The following PER3 variants were observed in gnomAD, a reference collection of about 807,000 sequenced individuals.
The protein encoded by PER3 is period circadian protein homolog 3.
In PER3, 107 loss-of-function variants were observed where a neutral mutation model predicts 127.2. The observed-to-expected ratio is 0.84, with a 90% CI of 0.72 to 0.99. The LOEUF (loss-of-function observed/expected upper bound fraction) is 0.99. Ranked by LOEUF, PER3 falls within the 50% of genes least tolerant of loss-of-function variation. The pLI is 0.00. For missense variants in PER3, 1,560 were observed against 1,525.8 expected, an observed-to-expected ratio of 1.02 and a Z score of -0.37; for synonymous variants, 618 against 585.8, an observed-to-expected ratio of 1.05 and a Z score of -0.79.
At position 7,801,149 on chromosome 1, in the gene PER3, CCA is replaced by C; in HGVS notation, c.838_839del (p.Thr280ProfsTer7). The C allele has an allele frequency of 6.2e-7, 1 of 1,608,362 alleles. No homozygotes were observed. Among genetic ancestry groups the C allele is most frequent in the Non-Finnish European group, 8.5e-7 (1 of 1,176,612 alleles). ...CCAGTGAATAAAAGAATCTTCACCACCACACACACCCCAGGGTGTGTTTTTCT... is the reference window on the plus strand; with the variant it reads ...CCAGTGAATAAAAGAATCTTCACCACCACACACCCCAGGGTGTGTTTTTCT... On this transcript the variant is annotated frameshift_variant, in exon 8 of 22. Transcript: ENST00000377532. LOFTEE classifies it high-confidence loss of function.
intron 21 of PER3, among the ~76,000 whole-genome samples, chr1:7,838,590 G>A (rs2097369099): frequency 6.6e-6 from 1 of 152,064 alleles, no homozygotes; most frequent in Non-Finnish European, 1.5e-5. Flanking sequence ...TGTAGAAATG[G>A]GGTTTCCCCA....
rs373222729 is a variant in PER3, at chr1:7,807,718, C to T, written c.1137-1175C>T. On this transcript the variant is annotated intron_variant, in intron 10 of 21. Coordinates refer to ENST00000377532, the MANE Select transcript of PER3 (RefSeq NM_001377275.1). Reference sequence around the variant, plus strand: ...GATGCAGCTGATTCAGTATGCCTCACGAATGGGACTTGCTTTACCAAGGTA... The same window carrying T: ...GATGCAGCTGATTCAGTATGCCTCATGAATGGGACTTGCTTTACCAAGGTA... Among the ~76,000 whole-genome samples the T allele has an allele frequency of 1.8e-4, 28 of 152,208 alleles. 3 individuals are homozygous for T. In the South Asian group the frequency reaches 5.6e-3, roughly 30 times the overall value.
At chr1:7,805,961 T>A (rs1295817695) in intron 10 of PER3, among the ~76,000 whole-genome samples, 1 of 152,218 alleles carries the variant, frequency 6.6e-6, no homozygotes, top group Non-Finnish European at 1.5e-5. Flanking sequence ...TAAGGTCTAG[T>A]AGGTATTAAT....
chr1:7,785,035 C>T (rs1331296664), intron 2 of PER3, 30 bp downstream of exon 2: 4 of 1,561,264 alleles, frequency 2.6e-6, no homozygotes, highest in Non-Finnish European at 3.4e-6. Context: ...CCGAGGGCCC[C>T]ATGCGTTCGT....
At position 7,827,511 on chromosome 1, in the gene PER3, C is replaced by G. The variant is rs2097307790; in HGVS notation, c.2582C>G (p.Pro861Arg). 6.2e-7 allele frequency: 1 copy of G among 1,614,120 alleles called. No homozygotes were observed. Residue 861 changes from proline to arginine, a missense_variant, in exon 18 of 22, where the codon CCT (proline) becomes CGT (arginine). By Grantham distance (103) the Pro-to-Arg change is moderately radical. This residue lies in a region of PER3 where 1,332 missense variants were observed against 1,223.6 expected (regional missense o/e 1.09). Transcript: ENST00000377532. ...GATACTTTTATGACCGTTTTCCTGCCTGACCCCCCTGTCTGTCCTCTGTTG... is the reference window on the plus strand; with the variant it reads ...GATACTTTTATGACCGTTTTCCTGCGTGACCCCCCTGTCTGTCCTCTGTTG... ...YLDTFMTVFL[P>R]DPPVCPLLSP...
intron 19 of PER3, among the ~76,000 whole-genome samples, chr1:7,835,319 G>A (rs1459576265): frequency 6.6e-6 from 1 of 152,208 alleles, no homozygotes; most frequent in Non-Finnish European, 1.5e-5. Context: ...CTTTATTGGA[G>A]TTGGCATTTT....
In PER3 at chr1:7,827,510, C is replaced by A. The variant is rs771022350; in HGVS notation, c.2581C>A (p.Pro861Thr). The part of the protein sequence containing the change: ...YLDTFMTVFL[P>T]DPPVCPLLSP... ...GGATACTTTTATGACCGTTTTCCTGCCTGACCCCCCTGTCTGTCCTCTGTT... is the reference window on the plus strand; with the variant it reads ...GGATACTTTTATGACCGTTTTCCTGACTGACCCCCCTGTCTGTCCTCTGTT... The change falls in exon 18 of 22, where the codon CCT (proline) becomes ACT (threonine). Residue 861 changes from proline (P) to threonine (T), a missense_variant. Transcript: ENST00000377532. 1.9e-6 allele frequency: 3 copies of A among 1,614,220 alleles called. No homozygotes were observed. The highest frequency in any genetic ancestry group is 1.1e-5 in the South Asian group (1 of 91,084).
At position 7,784,786 on chromosome 1, in the gene PER3, G is replaced by A; in HGVS notation, c.-92G>A. On this transcript the variant is annotated 5_prime_UTR_variant, in exon 2 of 22. Transcript: ENST00000377532. Reference sequence around the variant, plus strand: ...CTAACGCCATGGCGGGGACCGGAGTGAGAAACCGGTGTCTGTCACTGACTG... The same window carrying A: ...CTAACGCCATGGCGGGGACCGGAGTAAGAAACCGGTGTCTGTCACTGACTG... The A allele has an allele frequency of 7.6e-7, 1 of 1,308,130 alleles. No homozygotes were observed. Among genetic ancestry groups the A allele is most frequent in the Non-Finnish European group, 9.8e-7 (1 of 1,015,740 alleles). 81.0% of individuals were successfully genotyped at this position (1,308,130 alleles called of 1,614,324 possible). A position where few individuals can be genotyped will look rare whatever the true frequency, so the allele number is the denominator to read the frequency against.
At chr1:7,833,457 A>G (rs2151232772) in intron 19 of PER3, among the ~76,000 whole-genome samples, 1 of 152,334 alleles carries the variant, frequency 6.6e-6, no homozygotes, top group African/African-American at 2.4e-5. Context: ...AGGTGCATAT[A>G]CACTTGAGAT....
intron 7 of PER3, 39 bp downstream of exon 7, chr1:7,798,712 G>A (rs1335669572): frequency 5.8e-6 from 9 of 1,553,112 alleles, no homozygotes; most frequent in Admixed American, 5.0e-5. Context: ...TCAGCAATCA[G>A]ATAGGAACAT....
intron 6 of PER3, among the ~76,000 whole-genome samples, chr1:7,795,694 C>G (rs1472524954): frequency 1.3e-5 from 2 of 152,218 alleles, no homozygotes; most frequent in African/African-American, 4.8e-5. Flanking sequence ...GGCCACACCA[C>G]AGGGAGCAGT....
intron 7 of PER3, 69 bp downstream of exon 7, chr1:7,798,742 A>G: frequency 3.0e-6 from 4 of 1,331,918 alleles, no homozygotes; most frequent in Non-Finnish European, 4.3e-6. Flanking sequence ...TGTTTACGTC[A>G]GTCATAGAAC....
Position 7,820,302 on chromosome 1 carries a change from T to C in PER3, c.1783+63T>C, listed in dbSNP as rs544063620. 6 of 1,539,810 alleles carry C rather than the reference T, an allele frequency of 3.9e-6. No homozygotes were observed. In the East Asian group the frequency reaches 1.3e-4, roughly 35 times the overall value. ...TGTAAATACATCCTTCTTGTTTCTC[T>C]TTAATGTCTTATATTGTTATAAGCA... is the stretch of plus-strand genomic sequence containing the variant. On this transcript the variant is annotated intron_variant, in intron 15 of 21. Transcript: ENST00000377532.
At chr1:7,800,990 C>G (rs1577708192) in intron 7 of PER3, 123 bp from the exon 8 acceptor site, 2 of 687,716 alleles carry the variant, frequency 2.9e-6, no homozygotes, top group South Asian at 3.5e-5. Flanking sequence ...GGCCAGGCCC[C>G]TAAATGAGAT....
chr1:7,819,447 TG>T, intron 14 of PER3, 27 bp downstream of exon 14: 1 of 1,608,132 alleles, frequency 6.2e-7, no homozygotes, highest in Non-Finnish European at 8.5e-7. Context: ...TTGGATACCA[TG>T]TAAGTCTGTT....
rs34144861 is a variant in PER3, at chr1:7,815,991, CAAAAAAAAA to C, written c.1523-3276_1523-3268del. ...CTGGGCGACAGAGCGGACTCCGTCT[CAAAAAAAAA>C]AAAAAAAAAAAAAAAAATTGAATTG... On this transcript the variant is annotated intron_variant, in intron 13 of 21. Coordinates refer to ENST00000377532, the MANE Select transcript of PER3 (RefSeq NM_001377275.1). 8.3e-4 allele frequency among the ~76,000 whole-genome samples: 56 copies of C among 67,664 alleles called. No individual in the cohort carries two copies. The East Asian group carries it at 0.028, about 34-fold the overall frequency. 44.4% of individuals were successfully genotyped at this position (67,664 alleles called of 152,430 possible). A position where few individuals can be genotyped will look rare whatever the true frequency, so the allele number is the denominator to read the frequency against.
At position 7,803,978 on chromosome 1, in the gene PER3, G is replaced by C. The variant is rs1416778736; in HGVS notation, c.1136+130G>C. ...AGCACAGATTTGTTTTCGGTGCTTT[G>C]GGGAGACAGTTTGACAGTGTGTACC... On this transcript the variant is annotated intron_variant, in intron 10 of 21. Coordinates refer to ENST00000377532, the MANE Select transcript of PER3 (RefSeq NM_001377275.1). 14 of 711,366 alleles carry C rather than the reference G, an allele frequency of 2.0e-5. 1 individual carries two copies. The East Asian group carries it at 3.8e-4, about 19-fold the overall frequency. 44.1% of individuals were successfully genotyped at this position (711,366 alleles called of 1,614,324 possible).
chr1:7,827,067 T>C, intron 17 of PER3, 51 bp from the exon 18 acceptor site: 2 of 1,409,658 alleles, frequency 1.4e-6, no homozygotes, highest in Non-Finnish European at 9.5e-7. Context: ...CATCCTTCTC[T>C]TCTTTTTGGG....
intron 10 of PER3, among the ~76,000 whole-genome samples, chr1:7,808,359 TATTCAGGTCATA>T (rs1045512936): frequency 6.6e-6 from 1 of 151,746 alleles, no homozygotes; most frequent in African/African-American, 2.4e-5. Context: ...CCATTCACTG[TATTCAGGTCATA>T]GATTGAAGAT....
Sources: gnomAD v4.1 joint callset for allele counts (sites outside exome capture counted in the v4.1 genomes callset) on GRCh38, gnomAD v4.1.1 for gene constraint, gnomAD v4.1.1 regional missense constraint, MANE v1.5 for transcripts, NCBI Gene and HGNC (gene_info 2026-07-23, HGNC 2026-07-21) for gene names.